SPAG16: variants seen among roughly 807,000 people sequenced by gnomAD.
SPAG16 encodes sperm associated antigen 16.
In SPAG16, 86 loss-of-function variants were observed where a neutral mutation model predicts 80.4. That is an observed-to-expected ratio of 1.07 (90% CI 0.90 to 1.28). The LOEUF (loss-of-function observed/expected upper bound fraction) is 1.28. Ranked by LOEUF, SPAG16 falls within the 50% of genes most tolerant of loss-of-function variation. SPAG16 has a pLI of 0.00. For missense variants in SPAG16, 870 were observed against 765.3 expected (o/e 1.14, Z -1.61); for synonymous variants, 294 against 265.9 (o/e 1.11, Z -1.03).
intron 11 of SPAG16, among the ~76,000 whole-genome samples, chr2:213,894,712 C>T (rs962918554): frequency 2.0e-5 from 3 of 152,020 alleles, no homozygotes; most frequent in African/African-American, 7.2e-5. Flanking sequence ...TAAAGACGGC[C>T]TGGCGCAGTG....
At chr2:214,341,814 A>G (rs1349243584) in intron 15 of SPAG16, among the ~76,000 whole-genome samples, 3 of 152,172 alleles carry the variant, frequency 2.0e-5, no homozygotes, top group African/African-American at 7.2e-5. Context: ...CTCTTAATTA[A>G]ACAGGAAACT....
At position 213,821,100 on chromosome 2, in the gene SPAG16, T is replaced by A. The variant is rs1342836743; in HGVS notation, c.1071-41385T>A. On this transcript the variant is annotated intron_variant, in intron 10 of 15. Coordinates refer to ENST00000331683, the MANE Select transcript of SPAG16 (RefSeq NM_024532.5). ...CTGCCGGCTATTTTCTTTTCCTCAG[T>A]CTGTGAATTCTTGTCTTTTATAGGT... Among the ~76,000 whole-genome samples, 3 of 152,094 alleles carry A rather than the reference T, an allele frequency of 2.0e-5. No individual in the cohort carries two copies. The East Asian group carries it at 5.8e-4, about 29-fold the overall frequency.
At chr2:213,524,819 C>T (rs1412821394) in intron 10 of SPAG16, among the ~76,000 whole-genome samples, 2 of 152,172 alleles carry the variant, frequency 1.3e-5, no homozygotes, top group Admixed American at 1.3e-4. Context: ...TTGGAAGAGA[C>T]TTGCCTTGTC....
chr2:213,494,739 C>T (rs1282521485), intron 10 of SPAG16, among the ~76,000 whole-genome samples: 1 of 152,140 alleles, frequency 6.6e-6, no homozygotes, highest in East Asian at 1.9e-4. Flanking sequence ...AAAACCCAAA[C>T]TTACTACTGT....
intron 11 of SPAG16, among the ~76,000 whole-genome samples, chr2:213,891,433 A>G (rs1404661893): frequency 6.6e-6 from 1 of 152,134 alleles, no homozygotes; most frequent in African/African-American, 2.4e-5. Context: ...TGTAGATACA[A>G]TCATTCTGAG....
At chr2:213,889,828 G>A (rs763856170) in intron 11 of SPAG16, among the ~76,000 whole-genome samples, 17 of 151,314 alleles carry the variant, frequency 1.1e-4, no homozygotes, top group Non-Finnish European at 2.4e-4. Context: ...TTGCCTATGG[G>A]AAGCCTCTAA....
chr2:213,350,000 C>T lies in SPAG16; in HGVS notation c.645-528C>T, dbSNP rs1282666550. Among the ~76,000 whole-genome samples, 7 of 152,236 alleles carry T rather than the reference C, an allele frequency of 4.6e-5. No homozygotes were observed. The East Asian group carries it at 1.3e-3, about 29-fold the overall frequency. On this transcript the variant is annotated intron_variant, in intron 6 of 15. Coordinates refer to ENST00000331683, the MANE Select transcript of SPAG16 (RefSeq NM_024532.5). ...ATTTTGAGGTCATTTTCAAATAAAA[C>T]AGATTTTTTAAAGGTATATTATATA...
intron 14 of SPAG16, among the ~76,000 whole-genome samples, chr2:214,146,151 A>C (rs1458304485): frequency 6.6e-6 from 1 of 152,166 alleles, no homozygotes; most frequent in East Asian, 1.9e-4. Flanking sequence ...TAAATGCCTT[A>C]AACTATAGCT....
intron 14 of SPAG16, among the ~76,000 whole-genome samples, chr2:214,136,835 A>G (rs2055080069): frequency 6.6e-6 from 1 of 152,200 alleles, no homozygotes; most frequent in South Asian, 2.1e-4. Flanking sequence ...AGTACTAAAA[A>G]TGTTTGAAAT....
intron 15 of SPAG16, among the ~76,000 whole-genome samples, chr2:214,354,962 T>C (rs1698676464): frequency 6.6e-6 from 1 of 152,082 alleles, no homozygotes; most frequent in Non-Finnish European, 1.5e-5. Context: ...CAATTTGACT[T>C]CCTCTTTTCC....
intron 15 of SPAG16, among the ~76,000 whole-genome samples, chr2:214,295,278 T>C (rs1694053725): frequency 6.6e-6 from 1 of 152,236 alleles, no homozygotes; most frequent in South Asian, 2.1e-4. Context: ...CAATGCCTGC[T>C]TTGTTATACA....
chr2:213,410,419 G>A (rs946261289), intron 9 of SPAG16, among the ~76,000 whole-genome samples: 2 of 152,066 alleles, frequency 1.3e-5, no homozygotes, highest in African/African-American at 4.8e-5. Flanking sequence ...AGTAAATTGG[G>A]ACCATTTAAT....
Position 214,287,394 on chromosome 2 carries a change from G to T in SPAG16, c.1721-122746G>T, listed in dbSNP as rs188849502. Among the ~76,000 whole-genome samples the T allele has an allele frequency of 2.6e-4, 40 of 152,224 alleles. No individual in the cohort carries two copies. The East Asian group carries it at 7.3e-3, about 28-fold the overall frequency. On this transcript the variant is annotated intron_variant, in intron 15 of 15. Transcript: ENST00000331683. Reference sequence around the variant, plus strand: ...GCTGACAGTTCTCAGATTTATTATTGTATTTGATATATTGACATTTTTAAA... The same window carrying T: ...GCTGACAGTTCTCAGATTTATTATTTTATTTGATATATTGACATTTTTAAA...
chr2:213,713,029 C>T (rs960992560), intron 10 of SPAG16, among the ~76,000 whole-genome samples: 4 of 152,052 alleles, frequency 2.6e-5, no homozygotes, highest in Admixed American at 6.5e-5. Flanking sequence ...CTTCACAGGG[C>T]GGCAGGAGAG....
At chr2:213,593,095 A>G (rs1348284395) in intron 10 of SPAG16, among the ~76,000 whole-genome samples, 1 of 152,076 alleles carries the variant, frequency 6.6e-6, no homozygotes, top group Non-Finnish European at 1.5e-5. Context: ...ACTTGTAGAG[A>G]AACACCTAAT....
At chr2:213,378,871 A>G (rs970734080) in intron 9 of SPAG16, among the ~76,000 whole-genome samples, 1 of 152,232 alleles carries the variant, frequency 6.6e-6, no homozygotes. Flanking sequence ...ATCACAGGGC[A>G]TGGCAATACT....
At chr2:214,059,874 T>G (rs2050165312) in intron 13 of SPAG16, among the ~76,000 whole-genome samples, 1 of 152,190 alleles carries the variant, frequency 6.6e-6, no homozygotes, top group African/African-American at 2.4e-5. Context: ...ACAGTCATTT[T>G]TGCTCCCGTG....
At chr2:213,855,004 T>C (rs1393677449) in intron 10 of SPAG16, among the ~76,000 whole-genome samples, 1 of 152,230 alleles carries the variant, frequency 6.6e-6, no homozygotes, top group Non-Finnish European at 1.5e-5. Flanking sequence ...GCCCATAGCC[T>C]AAATTATTTA....
chr2:213,931,905 T>C (rs1367706188), intron 12 of SPAG16, among the ~76,000 whole-genome samples: 8 of 152,006 alleles, frequency 5.3e-5, no homozygotes, highest in South Asian at 4.1e-4. Flanking sequence ...AAGTAGAAAT[T>C]GATTGTTTCT....
Sources: allele counts gnomAD v4.1 joint callset (sites outside exome capture counted in the v4.1 genomes callset), GRCh38; gene constraint gnomAD v4.1.1; transcripts MANE v1.5; gene names NCBI Gene and HGNC (gene_info 2026-07-23, HGNC 2026-07-21).